Variants in NOX4 observed in about 807,000 individuals in gnomAD.
NOX4 encodes kidney oxidase-1.
A neutral mutation model predicts 87.6 loss-of-function variants in NOX4; 69 were observed. The observed-to-expected ratio is 0.79, with a 90% CI of 0.65 to 0.96. NOX4 has a LOEUF of 0.96. Ranked by LOEUF, NOX4 falls within the 40% of genes least tolerant of loss-of-function variation. NOX4 has a pLI of 0.00. For missense variants in NOX4, 680 were observed against 681.5 expected, an observed-to-expected ratio of 1.00 and a Z score of 0.02; for synonymous variants, 275 against 238.2, an observed-to-expected ratio of 1.15 and a Z score of -1.42.
chr11:89,359,533 G>GA (rs1301662097), intron 12 of NOX4, among the ~76,000 whole-genome samples: 1 of 151,466 alleles, frequency 6.6e-6, no homozygotes, highest in Admixed American at 6.6e-5. Flanking sequence ...AAAAAAGAAA[G>GA]AAAAAAATAT....
At chr11:89,545,076 G>A in the NOX4 span, 1 of 152,152 alleles carries the variant, frequency 6.6e-6, no homozygotes, top group Admixed American at 6.5e-5. Flanking sequence ...GTTGTGGTCT[G>A]TAAGTTGAAT....
intron 2 of NOX4, among the ~76,000 whole-genome samples, chr11:89,467,654 C>T (rs1945764919): frequency 6.6e-6 from 1 of 152,126 alleles, no homozygotes; most frequent in South Asian, 2.1e-4. Flanking sequence ...GTCATGAGGG[C>T]TTTACCTTCA....
chr11:89,384,708 T>C (rs1365601600), intron 11 of NOX4, among the ~76,000 whole-genome samples: 1 of 152,042 alleles, frequency 6.6e-6, no homozygotes, highest in Non-Finnish European at 1.5e-5. Flanking sequence ...CCCTAACTCA[T>C]CCCAACCATT....
chr11:89,586,370 C>A, the NOX4 span, among the ~76,000 whole-genome samples: 1 of 152,180 alleles, frequency 6.6e-6, no homozygotes, highest in Non-Finnish European at 1.5e-5. Context: ...GTTCTCACAA[C>A]AACTCTGTGA....
Position 89,418,337 on chromosome 11 carries a change from T to G in NOX4, c.629+3565A>C, listed in dbSNP as rs545752330. ...AATGTTAATTTTGGTACCTGATACC[T>G]GGGTTCAAACTGGAAATCTACTTAC... On this transcript the variant is annotated intron_variant, in intron 8 of 17. Coordinates refer to ENST00000263317, the MANE Select transcript of NOX4 (RefSeq NM_016931.5). Among the ~76,000 whole-genome samples the G allele has an allele frequency of 4.0e-5, 6 of 151,372 alleles. No homozygotes were observed. In the Admixed American group the frequency reaches 4.0e-4, roughly 10 times the overall value.
chr11:89,535,230 A>C, the NOX4 span, among the ~76,000 whole-genome samples: 6 of 152,224 alleles, frequency 3.9e-5, no homozygotes, highest in Non-Finnish European at 7.3e-5. Context: ...CTTTTTATGA[A>C]TATGTGTTAC....
chr11:89,512,813 C>T, the NOX4 span, among the ~76,000 whole-genome samples: 1 of 151,998 alleles, frequency 6.6e-6, no homozygotes, highest in Non-Finnish European at 1.5e-5. Flanking sequence ...TGGTTCTTGC[C>T]CACTGATTAT....
At chr11:89,386,366 T>C (rs1019078823) in intron 11 of NOX4, among the ~76,000 whole-genome samples, 2 of 152,154 alleles carry the variant, frequency 1.3e-5, no homozygotes, top group African/African-American at 4.8e-5. Context: ...CTTCAAACCA[T>C]CATAACTGAT....
In NOX4 at chr11:89,326,509, C is replaced by T. The variant is rs1945225757; in HGVS notation, c.*247G>A. ...TCAACAGTGTGCATCTAACAGTTTT[C>T]TTTTAATTTGAGAACTGAAAAGTGA... On this transcript the variant is annotated 3_prime_UTR_variant, in exon 18 of 18. Coordinates refer to ENST00000263317, the MANE Select transcript of NOX4 (RefSeq NM_016931.5). 3.3e-6 allele frequency: 1 copy of T among 306,984 alleles called. No homozygotes were observed. The highest frequency in any genetic ancestry group is 6.0e-6 in the Non-Finnish European group (1 of 166,732). The allele number at this position is 306,984 out of a possible 1,614,324, so 19.0% of individuals were successfully genotyped here.
At chr11:89,508,394 G>C in the NOX4 span, among the ~76,000 whole-genome samples, 7 of 152,002 alleles carry the variant, frequency 4.6e-5, no homozygotes, top group Admixed American at 4.6e-4. Flanking sequence ...TACACTTGAT[G>C]GTAATTTTAA....
chr11:89,523,583 G>C, the NOX4 span, among the ~76,000 whole-genome samples: 1 of 152,080 alleles, frequency 6.6e-6, no homozygotes, highest in Non-Finnish European at 1.5e-5. Flanking sequence ...TGTAGAAATT[G>C]AATTAAAAGA....
rs943026717 is a variant in NOX4 at position 89,451,842 on chromosome 11, G to T, written c.207C>A (p.Ser69Arg). Residue 69 changes from serine (S) to arginine (R), a missense_variant, in exon 3 of 18, where the codon AGC (serine) becomes AGA (arginine). By Grantham distance (110) the Ser-to-Arg change is moderately radical. Coordinates refer to ENST00000263317, the MANE Select transcript of NOX4 (RefSeq NM_016931.5). ...ASASVLNLNCSLILLPMCRTL... is the reference protein window; with the variant it reads ...ASASVLNLNCRLILLPMCRTL... ...TTCGGCACATGGGTAAAAGGATAAG[G>T]CTGCAGTTGAGGTTAAGAACAGATG... 1 of 1,613,474 alleles carries T rather than the reference G, an allele frequency of 6.2e-7. No individual in the cohort carries two copies.
the NOX4 span, among the ~76,000 whole-genome samples, chr11:89,504,282 G>A: frequency 6.6e-6 from 1 of 151,928 alleles, no homozygotes; most frequent in East Asian, 1.9e-4. Context: ...GGCATAAAAT[G>A]ACACTGGGGA....
At chr11:89,538,789 C>T in the NOX4 span, among the ~76,000 whole-genome samples, 15 of 151,744 alleles carry the variant, frequency 9.9e-5, no homozygotes, top group African/African-American at 3.6e-4. Context: ...GAGAGCTTAT[C>T]TCTGCTCCAT....
the NOX4 span, among the ~76,000 whole-genome samples, chr11:89,578,192 T>C: frequency 5.3e-5 from 8 of 150,940 alleles, no homozygotes; most frequent in Non-Finnish European, 8.8e-5. Context: ...AAACAGAGTC[T>C]CGCTCTGTTG....
chr11:89,401,779 T>C (rs1941869049), intron 9 of NOX4, among the ~76,000 whole-genome samples: 1 of 152,114 alleles, frequency 6.6e-6, no homozygotes, highest in Admixed American at 6.6e-5. Context: ...AAATCGAGGG[T>C]GATATTAATT....
intron 2 of NOX4, among the ~76,000 whole-genome samples, chr11:89,484,772 T>C (rs748420019): frequency 2.6e-5 from 4 of 152,086 alleles, no homozygotes; most frequent in Middle Eastern, 3.2e-3. Flanking sequence ...CACCCATCAA[T>C]AAACAAGAAA....
At chr11:89,575,512 T>C in the NOX4 span, among the ~76,000 whole-genome samples, 399 of 152,342 alleles carry the variant, frequency 2.6e-3, 2 homozygotes, top group Middle Eastern at 0.048. Flanking sequence ...ATTGATTTAT[T>C]CTACTTGCTA....
intron 13 of NOX4, among the ~76,000 whole-genome samples, chr11:89,348,344 G>A (rs574232900): frequency 6.6e-6 from 1 of 152,116 alleles, no homozygotes; most frequent in African/African-American, 2.4e-5. Context: ...GAATCTGGGA[G>A]GCAGAAGCTG....
Sources: allele counts gnomAD v4.1 joint callset (sites outside exome capture counted in the v4.1 genomes callset), GRCh38; gene constraint gnomAD v4.1.1; transcripts MANE v1.5; gene names NCBI Gene and HGNC (gene_info 2026-07-23, HGNC 2026-07-21).